The following NRXN1 variants were observed in gnomAD, a reference collection of about 807,000 sequenced individuals.
NRXN1 encodes the protein neurexin 1.
In NRXN1, 39 loss-of-function variants were observed where a neutral mutation model predicts 150.9. The observed-to-expected ratio is 0.26, with a 90% CI of 0.20 to 0.34. The LOEUF is 0.34. Ranked by LOEUF, NRXN1 falls within the 10% of genes least tolerant of loss-of-function variation. The probability of loss-of-function intolerance (pLI) is 1.00; values close to 1 mark genes in which losing one functional copy is unlikely to be tolerated. For missense variants in NRXN1, 1,815 were observed against 1,949.9 expected (o/e 0.93, Z 1.30); for synonymous variants, 924 against 757.0 (o/e 1.22, Z -3.62).
At chr2:49,941,500 G>A (rs372220139) in intron 22 of NRXN1, among the ~76,000 whole-genome samples, 32 of 151,980 alleles carry the variant, frequency 2.1e-4, no homozygotes, top group African/African-American at 7.2e-4. Flanking sequence ...GCAATGGCTC[G>A]AAGAACTGGA....
At chr2:50,533,330 T>C (rs1279837285) in intron 10 of NRXN1, among the ~76,000 whole-genome samples, 2 of 152,168 alleles carry the variant, frequency 1.3e-5, no homozygotes, top group East Asian at 1.9e-4. Flanking sequence ...GAAATTTCAA[T>C]TGGAATATTT....
At chr2:50,331,415 A>T (rs560305135) in intron 17 of NRXN1, among the ~76,000 whole-genome samples, 1 of 152,168 alleles carries the variant, frequency 6.6e-6, no homozygotes, top group Admixed American at 6.5e-5. Context: ...GAGATTTAAA[A>T]GTTGTGTGTG....
chr2:50,205,104 G>C (rs1407706240), intron 18 of NRXN1, among the ~76,000 whole-genome samples: 3 of 152,006 alleles, frequency 2.0e-5, no homozygotes, highest in Non-Finnish European at 4.4e-5. Context: ...TCTTAGTAGA[G>C]TCACACACAA....
intron 8 of NRXN1, among the ~76,000 whole-genome samples, chr2:50,574,641 C>T (rs2105480261): frequency 6.6e-6 from 1 of 152,284 alleles, no homozygotes; most frequent in Admixed American, 6.5e-5. Context: ...CCCAAGATCA[C>T]TCTGAAAAAT....
intron 17 of NRXN1, among the ~76,000 whole-genome samples, chr2:50,447,433 T>C (rs2086517473): frequency 7.5e-6 from 1 of 133,782 alleles, no homozygotes; most frequent in African/African-American, 3.0e-5. Context: ...TGAGCTCAGA[T>C]TGTGACACTG....
chr2:50,000,051 T>A (rs1183775452), intron 21 of NRXN1, among the ~76,000 whole-genome samples: 1 of 152,184 alleles, frequency 6.6e-6, no homozygotes, highest in Non-Finnish European at 1.5e-5. Flanking sequence ...TTCCCCTAAC[T>A]GAGAATTGCT....
chr2:49,981,140 C>G (rs1679918291), intron 21 of NRXN1, among the ~76,000 whole-genome samples: 1 of 152,014 alleles, frequency 6.6e-6, no homozygotes, highest in South Asian at 2.1e-4. Context: ...ATTTTCTGAG[C>G]TTTTTGGCAT....
chr2:50,609,292 C>T (rs999188062), intron 8 of NRXN1, among the ~76,000 whole-genome samples: 5 of 152,052 alleles, frequency 3.3e-5, no homozygotes, highest in African/African-American at 1.2e-4. Context: ...GAGAAGCCCT[C>T]TGTTCAAAAG....
At chr2:50,020,729 A>C (rs926238683) in intron 21 of NRXN1, among the ~76,000 whole-genome samples, 1 of 152,224 alleles carries the variant, frequency 6.6e-6, no homozygotes, top group Non-Finnish European at 1.5e-5. Context: ...GTTAAAAATC[A>C]ATAAATTTTA....
At chr2:50,015,362 C>T (rs1686402455) in intron 21 of NRXN1, among the ~76,000 whole-genome samples, 1 of 151,720 alleles carries the variant, frequency 6.6e-6, no homozygotes, top group Non-Finnish European at 1.5e-5. Context: ...GGAAGTTTTG[C>T]AAATCATATA....
intron 5 of NRXN1, among the ~76,000 whole-genome samples, chr2:50,738,024 A>T (rs920436071): frequency 3.3e-5 from 5 of 152,216 alleles, no homozygotes; most frequent in African/African-American, 1.2e-4. Context: ...ATGCAAATCC[A>T]AAAAGGAAGG....
At chr2:50,532,559 G>A (rs2093145758) in intron 10 of NRXN1, among the ~76,000 whole-genome samples, 27 of 152,070 alleles carry the variant, frequency 1.8e-4, no homozygotes, top group Admixed American at 1.2e-3. Context: ...TATAGAAGGG[G>A]AGTAACTTTA....
chr2:50,277,642 C>T (rs1243362901), intron 17 of NRXN1, among the ~76,000 whole-genome samples: 1 of 151,892 alleles, frequency 6.6e-6, no homozygotes, highest in African/African-American at 2.4e-5. Context: ...GTAGTCAATC[C>T]ATAGATGAAC....
At chr2:50,321,796 CTAA>C (rs2076058585) in intron 17 of NRXN1, among the ~76,000 whole-genome samples, 1 of 151,814 alleles carries the variant, frequency 6.6e-6, no homozygotes, top group South Asian at 2.1e-4. Context: ...GCACTCCATT[CTAA>C]TAATAATAAA....
At chr2:50,668,475 A>G (rs858930) in intron 5 of NRXN1, among the ~76,000 whole-genome samples, 61,664 of 151,830 alleles carry the variant, frequency 0.41, 12,602 homozygotes, top group Non-Finnish European at 0.42. Flanking sequence ...ATGCAGCAGG[A>G]AGAAGAAAAT....
At position 50,149,144 on chromosome 2, in the gene NRXN1, G is replaced by A. The variant is rs143793520; in HGVS notation, c.3547-57650C>T. Among the ~76,000 whole-genome samples, 418 of 151,858 alleles carry A rather than the reference G, an allele frequency of 2.8e-3. 3 individuals are homozygous for A. Among genetic ancestry groups the A allele is most frequent in the South Asian group, 8.5e-3 (41 of 4,828 alleles). ...AAAGAGGCTATTTGTTGTTTATAAA[G>A]CATAATTTTTAAAGATAAATTGCTG... On this transcript the variant is annotated intron_variant, in intron 18 of 22. Coordinates refer to ENST00000401669, the MANE Select transcript of NRXN1 (RefSeq NM_001330078.2).
At chr2:50,733,381 G>T (rs994575932) in intron 5 of NRXN1, among the ~76,000 whole-genome samples, 2 of 152,024 alleles carry the variant, frequency 1.3e-5, no homozygotes, top group African/African-American at 4.8e-5. Flanking sequence ...TATTTAATTT[G>T]TGTTTCTCTT....
chr2:49,949,808 G>A (rs1673600845), intron 21 of NRXN1, among the ~76,000 whole-genome samples: 2 of 151,824 alleles, frequency 1.3e-5, no homozygotes, highest in Admixed American at 6.6e-5. Context: ...GCAACAGTTA[G>A]TGGGTCGAGG....
intron 17 of NRXN1, among the ~76,000 whole-genome samples, chr2:50,274,125 C>G (rs554405922): frequency 1.3e-5 from 2 of 152,020 alleles, no homozygotes; most frequent in Non-Finnish European, 2.9e-5. Flanking sequence ...TGGCACCAAC[C>G]GAAATGTCCA....
Sources: gnomAD v4.1 joint callset for allele counts (sites outside exome capture counted in the v4.1 genomes callset) on GRCh38, gnomAD v4.1.1 for gene constraint, MANE v1.5 for transcripts, NCBI Gene and HGNC (gene_info 2026-07-23, HGNC 2026-07-21) for gene names.